The following MTMR7 variants were observed in gnomAD, a reference collection of about 807,000 sequenced individuals.
The protein encoded by MTMR7 is myotubularin related protein 7.
MTMR7 carries 76 observed loss-of-function variants against 81.2 expected under a neutral mutation model. The ratio of observed to expected loss-of-function variants is 0.94; its 90% confidence interval spans 0.78 to 1.13. MTMR7 has a LOEUF of 1.13. Ranked by LOEUF, MTMR7 falls within the 50% of genes most tolerant of loss-of-function variation. The pLI is 0.00. For missense variants in MTMR7, 1,044 were observed against 820.0 expected (o/e 1.27, Z -3.34); for synonymous variants, 372 against 289.8 (o/e 1.28, Z -2.88).
intron 10 of MTMR7, among the ~76,000 whole-genome samples, chr8:17,308,960 C>T (rs1817639059): frequency 2.0e-5 from 3 of 152,172 alleles, no homozygotes; most frequent in Admixed American, 2.0e-4. Context: ...CTCTGGACTT[C>T]TAAAATGGAA....
intron 11 of MTMR7, 106 bp from the exon 12 acceptor site, chr8:17,304,625 C>T: frequency 1.6e-6 from 2 of 1,214,732 alleles, no homozygotes; most frequent in Non-Finnish European, 2.3e-6. Flanking sequence ...ACCTGAAAAC[C>T]ACGTGTCTGT....
At chr8:17,316,679 AT>A (rs1178240595) in intron 7 of MTMR7, among the ~76,000 whole-genome samples, 1 of 152,234 alleles carries the variant, frequency 6.6e-6, no homozygotes, top group Admixed American at 6.5e-5. Context: ...ACAACAAAAA[AT>A]AATGGTAATA....
intron 7 of MTMR7, among the ~76,000 whole-genome samples, chr8:17,318,514 C>T (rs1293952673): frequency 6.6e-6 from 1 of 152,132 alleles, no homozygotes; most frequent in Non-Finnish European, 1.5e-5. Flanking sequence ...ACGGCTCCCA[C>T]AAACATAACG....
At chr8:17,355,409 T>C (rs1819861609) in intron 4 of MTMR7, among the ~76,000 whole-genome samples, 1 of 152,118 alleles carries the variant, frequency 6.6e-6, no homozygotes, top group Non-Finnish European at 1.5e-5. Context: ...CTAGCCCAAA[T>C]AATCCATAAA....
intron 8 of MTMR7, among the ~76,000 whole-genome samples, chr8:17,312,509 A>T (rs1457767726): frequency 7.1e-6 from 1 of 141,408 alleles, no homozygotes; most frequent in Non-Finnish European, 1.5e-5. Flanking sequence ...TGGGAGGCAG[A>T]GGTTGCAGCA....
At chr8:17,387,821 T>A (rs77969030) in intron 1 of MTMR7, among the ~76,000 whole-genome samples, 1 of 152,172 alleles carries the variant, frequency 6.6e-6, no homozygotes, top group Non-Finnish European at 1.5e-5. Flanking sequence ...ATAAGGATTA[T>A]TGTATCTAGT....
intron 1 of MTMR7, among the ~76,000 whole-genome samples, chr8:17,388,183 G>C (rs553088783): frequency 4.6e-5 from 7 of 152,274 alleles, no homozygotes; most frequent in African/African-American, 1.2e-4. Flanking sequence ...ATTTTGGTAG[G>C]ATGACCCTGG....
At chr8:17,402,458 A>G (rs1333229475) in intron 1 of MTMR7, among the ~76,000 whole-genome samples, 1 of 151,878 alleles carries the variant, frequency 6.6e-6, no homozygotes, top group African/African-American at 2.4e-5. Context: ...CTCTGTCTCC[A>G]TGTGTTCAAT....
At chr8:17,387,014 C>G (rs1272612255) in intron 1 of MTMR7, among the ~76,000 whole-genome samples, 1 of 152,176 alleles carries the variant, frequency 6.6e-6, no homozygotes, top group African/African-American at 2.4e-5. Flanking sequence ...TTCAGAGCTA[C>G]AGTATCTCCC....
chr8:17,342,363 T>G (rs150364530), intron 5 of MTMR7, among the ~76,000 whole-genome samples: 2 of 152,274 alleles, frequency 1.3e-5, no homozygotes, highest in East Asian at 3.9e-4. Flanking sequence ...AAGTCCACAG[T>G]GTGAAAGAAT....
At position 17,361,187 on chromosome 8, in the gene MTMR7, C is replaced by T. The variant is rs750841490; in HGVS notation, c.398G>A (p.Ser133Asn). Reference protein sequence around the residue: ...REQGWVLIDLSEEYTRMGLPN... With the variant: ...REQGWVLIDLNEEYTRMGLPN... Reference sequence around the variant, plus strand: ...GAGGCCCATCCGCGTGTATTCTTCACTAAGATCGATCAGCACCCAGCCTTG... The same window carrying T: ...GAGGCCCATCCGCGTGTATTCTTCATTAAGATCGATCAGCACCCAGCCTTG... The change falls in exon 4 of 14, where the codon AGT becomes AAT. Residue 133 changes from serine to asparagine, a missense_variant. Physicochemically the swap from Ser to Asn is conservative, Grantham distance 46. Transcript: ENST00000180173. 12 of 1,614,076 alleles carry T rather than the reference C, an allele frequency of 7.4e-6. No homozygotes were observed. In the East Asian group the frequency reaches 2.7e-4, roughly 36 times the overall value.
At chr8:17,361,812 A>G (rs1820069437) in intron 3 of MTMR7, among the ~76,000 whole-genome samples, 1 of 152,228 alleles carries the variant, frequency 6.6e-6, no homozygotes, top group Admixed American at 6.5e-5. Context: ...AACTTTAAAC[A>G]ACTACATAAA....
chr8:17,408,020 T>C (rs1477605788), intron 1 of MTMR7, among the ~76,000 whole-genome samples: 1 of 152,178 alleles, frequency 6.6e-6, no homozygotes, highest in African/African-American at 2.4e-5. Flanking sequence ...CAACACTAAT[T>C]CTGGCAGGGT....
At chr8:17,363,482 G>A (rs941593871) in intron 3 of MTMR7, among the ~76,000 whole-genome samples, 11 of 152,134 alleles carry the variant, frequency 7.2e-5, no homozygotes, top group African/African-American at 2.7e-4. Flanking sequence ...TTTCCACTGG[G>A]AAGAGGCAAC....
At chr8:17,408,052 G>T (rs536323533) in intron 1 of MTMR7, among the ~76,000 whole-genome samples, 8 of 152,162 alleles carry the variant, frequency 5.3e-5, no homozygotes, top group African/African-American at 1.9e-4. Flanking sequence ...TTATTTAATG[G>T]ACCTTTGTAT....
At chr8:17,370,329 T>G (rs1820379128) in intron 3 of MTMR7, among the ~76,000 whole-genome samples, 2 of 151,942 alleles carry the variant, frequency 1.3e-5, no homozygotes, top group South Asian at 4.1e-4. Context: ...AAGACCAGCC[T>G]GGCCAACATG....
rs545245867 is a variant in MTMR7, at chr8:17,364,122, CG to C, written c.311-2849del. 3.9e-3 allele frequency among the ~76,000 whole-genome samples: 575 copies of C among 149,346 alleles called. 5 individuals carry two copies. Among genetic ancestry groups the C allele is most frequent in the Non-Finnish European group, 6.6e-3 (444 of 67,566 alleles). Reference sequence around the variant, plus strand: ...TCGGCTCACTGCAAGCTCCGCCTCCCGGGTTCACGCCATTCTCCTGCCTCAG... The same window carrying C: ...TCGGCTCACTGCAAGCTCCGCCTCCCGGTTCACGCCATTCTCCTGCCTCAG... On this transcript the variant is annotated intron_variant, in intron 3 of 13. Coordinates refer to ENST00000180173, the MANE Select transcript of MTMR7 (RefSeq NM_004686.5).
intron 7 of MTMR7, among the ~76,000 whole-genome samples, chr8:17,315,332 G>T (rs955511657): frequency 2.6e-5 from 4 of 152,168 alleles, no homozygotes; most frequent in African/African-American, 9.7e-5. Context: ...GCTGCCAGGG[G>T]TTAGGGTTGT....
intron 4 of MTMR7, among the ~76,000 whole-genome samples, chr8:17,358,840 G>A (rs1221234896): frequency 6.6e-6 from 1 of 152,056 alleles, no homozygotes; most frequent in Admixed American, 6.6e-5. Flanking sequence ...ATACACATAA[G>A]GATACTATAT....
Sources: allele counts gnomAD v4.1 joint callset (sites outside exome capture counted in the v4.1 genomes callset), GRCh38; gene constraint gnomAD v4.1.1; transcripts MANE v1.5; gene names NCBI Gene and HGNC (gene_info 2026-07-23, HGNC 2026-07-21).